The following ARHGAP33 variants were observed in gnomAD, a reference collection of about 807,000 sequenced individuals.
ARHGAP33 encodes rho GTPase-activating protein 33.
In ARHGAP33, 57 loss-of-function variants were observed where a neutral mutation model predicts 126.2. That is an observed-to-expected ratio of 0.45 (90% CI 0.36 to 0.56). The LOEUF (loss-of-function observed/expected upper bound fraction) is 0.56, where lower values mean the gene tolerates loss of function less well. Among genes scored for constraint, ARHGAP33 ranks in the 20% least tolerant of loss-of-function variants. The probability of loss-of-function intolerance (pLI) is 0.00; values close to 1 mark genes in which losing one functional copy is unlikely to be tolerated. For missense variants in ARHGAP33, 1,500 were observed against 1,748.3 expected, an observed-to-expected ratio of 0.86 and a Z score of 2.53; for synonymous variants, 711 against 755.0, an observed-to-expected ratio of 0.94 and a Z score of 0.95.
chr19:35,782,417 C>A lies in ARHGAP33; in HGVS notation c.1130C>A (p.Ala377Glu). The change falls in exon 13 of 21, where the codon GCA becomes GAA. Residue 377 changes from alanine (A) to glutamate (E), a missense_variant. Around this residue, in one of 6 missense-constraint regions of ARHGAP33, gnomAD observed 281 missense variants for 413.7 expected, o/e 0.68. Coordinates refer to ENST00000007510, the MANE Select transcript of ARHGAP33 (RefSeq NM_001366178.1). The surrounding 1 kb of genome is among the most constrained non-coding windows in gnomAD (Gnocchi z 4.1). ...AGGATCCCGGAGCTGTCTGGCCCTG[C>A]ATTCCTGCAGGACATCCACAGCGTG... ...SERIPELSGP[A>E]FLQDIHSVSS... 6.2e-7 allele frequency: 1 copy of A among 1,612,514 alleles called. No homozygotes were observed. Among genetic ancestry groups the A allele is most frequent in the Non-Finnish European group, 8.5e-7 (1 of 1,178,650 alleles).
Position 35,788,451 on chromosome 19 carries a change from C to A in ARHGAP33, c.*22C>A. On this transcript the variant is annotated 3_prime_UTR_variant, in exon 21 of 21. Coordinates refer to ENST00000007510, the MANE Select transcript of ARHGAP33 (RefSeq NM_001366178.1). ...CTGAGCACCAGCTGGGAGGGGCCGT[C>A]CTTCCTTCCCTTCACCCTCACTGGA... The A allele has an allele frequency of 6.7e-7, 1 of 1,495,814 alleles. No individual in the cohort carries two copies. Among genetic ancestry groups the A allele is most frequent in the South Asian group, 1.3e-5 (1 of 77,220 alleles). 92.7% of individuals were successfully genotyped at this position (1,495,814 alleles called of 1,614,324 possible).
chr19:35,786,607 C>T lies in ARHGAP33; in HGVS notation c.2137C>T (p.Arg713Cys), dbSNP rs866706409. ...LGALSGSPSH[R>C]TSAWLDDGDE... is the part of the protein sequence containing the mutation. The stretch of plus-strand genomic sequence containing the variant: ...GGCACTCTCTGGGTCTCCCTCACAC[C>T]GTACCTCAGCCTGGCTAGATGATGG... Residue 713 changes from arginine to cysteine, a missense_variant, in exon 20 of 21, where the codon CGT becomes TGT. Physicochemically the swap from Arg to Cys is radical, Grantham distance 180. Transcript: ENST00000007510. This position sits in a 1 kb window ranked among gnomAD's most constrained non-coding sequence, Gnocchi z 7.0. The T allele has an allele frequency of 5.2e-5, 80 of 1,535,842 alleles. No individual in the cohort carries two copies. Among genetic ancestry groups the T allele is most frequent in the Non-Finnish European group, 6.5e-5 (75 of 1,146,838 alleles).
chr19:35,785,270 C>T lies in ARHGAP33; in HGVS notation c.1803C>T (p.Pro601=). The T allele has an allele frequency of 6.3e-7, 1 of 1,597,798 alleles. No homozygotes were observed. The highest frequency in any genetic ancestry group is 1.1e-5 in the South Asian group (1 of 89,732). The part of the protein sequence containing the change: ...WKTFFALGRG[P]SVPRKKPLPW... ...CGTTCTTTGCACTGGGCCGGGGCCC[C>T]AGTGTCCCTCGAAAGAAGCCCCTGC... The change falls in exon 18 of 21, where the codon CCC becomes CCT. Residue 601 remains proline (P), a synonymous_variant. Coordinates refer to ENST00000007510, the MANE Select transcript of ARHGAP33 (RefSeq NM_001366178.1).
chr19:35,778,002 T>A, intron 3 of ARHGAP33, 94 bp downstream of exon 3: 2 of 1,433,918 alleles, frequency 1.4e-6, no homozygotes, highest in Non-Finnish European at 1.9e-6. Context: ...AACTTATCCC[T>A]GTGACTGGCT....
Position 35,782,533 on chromosome 19 carries a change from G to T in ARHGAP33, c.1230+16G>T. The T allele has an allele frequency of 6.2e-7, 1 of 1,613,330 alleles. No individual in the cohort carries two copies. Among genetic ancestry groups the T allele is most frequent in the Non-Finnish European group, 8.5e-7 (1 of 1,179,460 alleles). ...GAAGTTCAGTGTGAGTAAGGGAGCT[G>T]GCGGGACGGAGGGGGCCGGGACGCC... On this transcript the variant is annotated intron_variant, in intron 13 of 20. Coordinates refer to ENST00000007510, the MANE Select transcript of ARHGAP33 (RefSeq NM_001366178.1). The surrounding 1 kb of genome is among the most constrained non-coding windows in gnomAD (Gnocchi z 4.1).
In ARHGAP33 at chr19:35,785,537, G is replaced by A. The variant is rs987339782; in HGVS notation, c.1942+54G>A. 4.4e-6 allele frequency: 7 copies of A among 1,608,364 alleles called. No homozygotes were observed. In the African/African-American group the frequency reaches 9.4e-5, roughly 22 times the overall value. ...TACCTGTGCCCATGTGGAGCCGGGAGGAATTGGGGCCCTGGTTTGGCCTCC... is the reference window on the plus strand; with the variant it reads ...TACCTGTGCCCATGTGGAGCCGGGAAGAATTGGGGCCCTGGTTTGGCCTCC... On this transcript the variant is annotated intron_variant, in intron 19 of 20. Transcript: ENST00000007510.
At position 35,787,785 on chromosome 19, in the gene ARHGAP33, G is replaced by A; in HGVS notation, c.3220G>A (p.Gly1074Ser). The A allele has an allele frequency of 6.3e-7, 1 of 1,582,776 alleles. No individual in the cohort carries two copies. The change falls in exon 21 of 21, where the codon GGC (glycine) becomes AGC (serine). Residue 1074 changes from glycine (G) to serine (S), a missense_variant. By Grantham distance (56) the Gly-to-Ser change is moderately conservative (BLOSUM62 0). Around this residue, in one of 6 missense-constraint regions of ARHGAP33, gnomAD observed 642 missense variants for 634.0 expected, o/e 1.01. Coordinates refer to ENST00000007510, the MANE Select transcript of ARHGAP33 (RefSeq NM_001366178.1). The stretch of plus-strand genomic sequence containing the variant: ...AGCCCCAGTCTGGAGGAGCTCTCTG[G>A]GCCCCCCTGCACCACTCGACAGGGG... ...SPAPVWRSSLGPPAPLDRGEN... is the reference protein window; with the variant it reads ...SPAPVWRSSLSPPAPLDRGEN...
chr19:35,784,430 C>T (rs1485919277), intron 16 of ARHGAP33, 113 bp downstream of exon 16: 2 of 1,431,048 alleles, frequency 1.4e-6, no homozygotes, highest in African/African-American at 1.5e-5. Context: ...CTGGGCCTCC[C>T]TCCGGCTCCT....
At position 35,780,342 on chromosome 19, in the gene ARHGAP33, G is replaced by A. The variant is rs1322472486; in HGVS notation, c.624+9G>A. 1 of 1,613,532 alleles carries A rather than the reference G, an allele frequency of 6.2e-7. No individual in the cohort carries two copies. The highest frequency in any genetic ancestry group is 2.2e-5 in the East Asian group (1 of 44,864). ...ATGAGCTGTCCTTTGAGGTGAGGCT[G>A]TGGGGAAGCAGATTCCAGCTGGGCT... On this transcript the variant is annotated intron_variant, in intron 7 of 20. Coordinates refer to ENST00000007510, the MANE Select transcript of ARHGAP33 (RefSeq NM_001366178.1).
rs1336299328 is a variant in ARHGAP33 at position 35,784,933 on chromosome 19, C to A, written c.1568-20C>A. The A allele has an allele frequency of 6.5e-6, 10 of 1,529,398 alleles. No individual in the cohort carries two copies. Among genetic ancestry groups the A allele is most frequent in the East Asian group, 2.5e-5 (1 of 40,658 alleles). 94.7% of individuals were successfully genotyped at this position (1,529,398 alleles called of 1,614,324 possible). On this transcript the variant is annotated intron_variant, in intron 16 of 20. Transcript: ENST00000007510. ...GGGCGGCCCCAGAGCTGACAGCTGC[C>A]CCCTTTCCACACTCCCCAGGCCGCT...
At position 35,787,137 on chromosome 19, in the gene ARHGAP33, C is replaced by T. The variant is rs779573993; in HGVS notation, c.2603-31C>T. 6 of 1,605,514 alleles carry T rather than the reference C, an allele frequency of 3.7e-6. No individual in the cohort carries two copies. In the African/African-American group the frequency reaches 6.7e-5, roughly 18 times the overall value. The stretch of plus-strand genomic sequence containing the variant: ...GTCACTGACTCTGAGGGCCTGGCCC[C>T]AGCTGAACCCCTCTCCATTCATTTA... On this transcript the variant is annotated intron_variant, in intron 20 of 20. Transcript: ENST00000007510.
chr19:35,784,886 G>A (rs1056784678), intron 16 of ARHGAP33, 67 bp from the exon 17 acceptor site: 8 of 1,460,522 alleles, frequency 5.5e-6, no homozygotes, highest in Non-Finnish European at 7.2e-6. Flanking sequence ...GGGCTGTGGC[G>A]CTTGGCTTTG....
chr19:35,777,468 C>A lies in ARHGAP33; in HGVS notation c.7-177C>A, dbSNP rs1417308959. 9.7e-6 allele frequency: 6 copies of A among 619,520 alleles called. No individual in the cohort carries two copies. In the South Asian group the frequency reaches 1.1e-4, roughly 12 times the overall value. The allele number at this position is 619,520 out of a possible 1,614,324, so 38.4% of individuals were successfully genotyped here. A position where few individuals can be genotyped will look rare whatever the true frequency, so the allele number is the denominator to read the frequency against. On this transcript the variant is annotated intron_variant, in intron 1 of 20. Coordinates refer to ENST00000007510, the MANE Select transcript of ARHGAP33 (RefSeq NM_001366178.1). ...CCAGTCCCCCACCCCAGACCACACA[C>A]GAAGAAGCAGTCCTGTCCTCAGCCC...
rs1350179204 is a variant in ARHGAP33 at position 35,781,135 on chromosome 19, C to T, written c.983-15C>T. 1 of 1,613,640 alleles carries T rather than the reference C, an allele frequency of 6.2e-7. No individual in the cohort carries two copies. ...GGGCTGCGGCCCACCCAGCCCTGAC[C>T]TTGCTTTCTCCCAGTGCCCCAGGTG... On this transcript the variant is annotated splice_polypyrimidine_tract_variant and intron_variant, in intron 11 of 20. Transcript: ENST00000007510.
chr19:35,778,156 C>A, intron 3 of ARHGAP33, 124 bp from the exon 4 acceptor site: 4 of 1,017,256 alleles, frequency 3.9e-6, no homozygotes, highest in Non-Finnish European at 5.9e-6. Context: ...GGGACCAGGA[C>A]ATCACCAGGC....
At chr19:35,783,778 TCAGGTGGTCTCAGGCTCCCTCTGGCTG>T (rs1848922344) in intron 15 of ARHGAP33, among the ~76,000 whole-genome samples, 1 of 151,818 alleles carries the variant, frequency 6.6e-6, no homozygotes, top group South Asian at 2.1e-4. Flanking sequence ...CTGATGGAAC[TCAGGTGGTCTCAGGCTCCCTCTGGCTG>T]CAGGTGGGAG....
Position 35,785,125 on chromosome 19 carries a change from G to T in ARHGAP33, c.1721+19G>T. 1 of 1,591,004 alleles carries T rather than the reference G, an allele frequency of 6.3e-7. No homozygotes were observed. The highest frequency in any genetic ancestry group is 8.6e-7 in the Non-Finnish European group (1 of 1,164,676). On this transcript the variant is annotated intron_variant, in intron 17 of 20. Transcript: ENST00000007510. ...CGGAAAGGTGAGTGGGATGCTGGGG[G>T]TGGCGAGGGGCAGGTGGAGGCCTGG...
rs2146729270 is a variant in ARHGAP33, at chr19:35,784,322, G to C, written c.1567+5G>C. 1.3e-6 allele frequency: 2 copies of C among 1,559,600 alleles called. No individual in the cohort carries two copies. The highest frequency in any genetic ancestry group is 1.7e-6 in the Non-Finnish European group (2 of 1,150,638). On this transcript the variant is annotated splice_donor_5th_base_variant and intron_variant, in intron 16 of 20. Coordinates refer to ENST00000007510, the MANE Select transcript of ARHGAP33 (RefSeq NM_001366178.1). Reference sequence around the variant, plus strand: ...CCGCCGGCCTCGACCCTGCAGGTATGCCCTCCCACCCCCTGAGGTCCTGGC... The same window carrying C: ...CCGCCGGCCTCGACCCTGCAGGTATCCCCTCCCACCCCCTGAGGTCCTGGC...
At position 35,788,076 on chromosome 19, in the gene ARHGAP33, A is replaced by C. The variant is rs1205540614; in HGVS notation, c.3511A>C (p.Asn1171His). Residue 1171 changes from asparagine (N) to histidine (H), a missense_variant, in exon 21 of 21, where the codon AAC (asparagine) becomes CAC (histidine). Physicochemically the swap from Asn to His is moderately conservative, Grantham distance 68. This residue lies in a region of ARHGAP33 where 642 missense variants were observed against 634.0 expected (regional missense o/e 1.01). Coordinates refer to ENST00000007510, the MANE Select transcript of ARHGAP33 (RefSeq NM_001366178.1). Reference sequence around the variant, plus strand: ...TACACCGCCTGAGCCCCTCTACGTCAACCTAGCTCTAGGGCCCAGGGGTCC... The same window carrying C: ...TACACCGCCTGAGCCCCTCTACGTCCACCTAGCTCTAGGGCCCAGGGGTCC... ...RPTPPEPLYVNLALGPRGPSP... is the reference protein window; with the variant it reads ...RPTPPEPLYVHLALGPRGPSP... The C allele has an allele frequency of 1.2e-6, 2 of 1,605,328 alleles. No homozygotes were observed. Among genetic ancestry groups the C allele is most frequent in the Middle Eastern group, 1.7e-4 (1 of 6,034 alleles).
Sources: allele counts gnomAD v4.1 joint callset (sites outside exome capture counted in the v4.1 genomes callset), GRCh38; gene constraint gnomAD v4.1.1; regional missense constraint gnomAD v4.1.1; non-coding constraint Gnocchi (gnomAD v3.1); transcripts MANE v1.5; gene names NCBI Gene and HGNC (gene_info 2026-07-23, HGNC 2026-07-21).